ADAP1: variants seen among roughly 807,000 people sequenced by gnomAD.
ADAP1 encodes the protein arf-GAP with dual PH domain-containing protein 1.
ADAP1 carries 31 observed loss-of-function variants against 54.9 expected under a neutral mutation model. The observed-to-expected ratio is 0.56, with a 90% CI of 0.42 to 0.76. The LOEUF is 0.76. Among genes scored for constraint, ADAP1 ranks in the 30% least tolerant of loss-of-function variants. The pLI is 0.00. For missense variants in ADAP1, 535 were observed against 512.4 expected (o/e 1.04, Z -0.42); for synonymous variants, 313 against 202.6 (o/e 1.55, Z -4.63).
chr7:933,621 C>T (rs1193757663), intron 2 of ADAP1, among the ~76,000 whole-genome samples: 1 of 44,850 alleles, frequency 2.2e-5, no homozygotes, highest in South Asian at 1.1e-3. Flanking sequence ...AGCCGGGGAC[C>T]GGGGTCAGTG....
At chr7:900,050 C>G (rs1011381581) in intron 8 of ADAP1, 52 bp downstream of exon 8, 1 of 1,604,112 alleles carries the variant, frequency 6.2e-7, no homozygotes, top group African/African-American at 1.3e-5. Context: ...CAGTCCGAGA[C>G]CCACCATGGC....
At chr7:932,656 G>C (rs1258877401) in intron 2 of ADAP1, among the ~76,000 whole-genome samples, 1 of 152,168 alleles carries the variant, frequency 6.6e-6, no homozygotes, top group Non-Finnish European at 1.5e-5. Context: ...CCACAGCCTG[G>C]CGAAGGGATG....
rs757928696 is a variant in ADAP1, at chr7:945,545, GC to G, written c.82+8850del. On this transcript the variant is annotated intron_variant, in intron 1 of 10. Transcript: ENST00000265846. This position sits in a 1 kb window ranked among gnomAD's most constrained non-coding sequence, Gnocchi z 4.2. ...GCCCCCAGAACAGGCCACAAGGCCAGCAGGTACACACTGGGCCCAAGGGTGG... is the reference window on the plus strand; with the variant it reads ...GCCCCCAGAACAGGCCACAAGGCCAGAGGTACACACTGGGCCCAAGGGTGG... 2.6e-5 allele frequency among the ~76,000 whole-genome samples: 4 copies of G among 152,258 alleles called. No individual in the cohort carries two copies. Among genetic ancestry groups the G allele is most frequent in the Non-Finnish European group, 5.9e-5 (4 of 68,030 alleles).
rs1186803409 is a variant in ADAP1, at chr7:942,859, G to T, written c.83-7354C>A. Reference sequence around the variant, plus strand: ...GAGAGAGGAGGACGAAGGGAGAGAGGAGGAGGAAGGGAGGAGGAGGAAGAG... The same window carrying T: ...GAGAGAGGAGGACGAAGGGAGAGAGTAGGAGGAAGGGAGGAGGAGGAAGAG... On this transcript the variant is annotated intron_variant, in intron 1 of 10. Transcript: ENST00000265846. 9.9e-4 allele frequency among the ~76,000 whole-genome samples: 12 copies of T among 12,126 alleles called. 1 individual carries two copies. Among genetic ancestry groups the T allele is most frequent in the Non-Finnish European group, 6.9e-4 (4 of 5,826 alleles). 8.0% of individuals were successfully genotyped at this position (12,126 alleles called of 152,430 possible).
intron 1 of ADAP1, among the ~76,000 whole-genome samples, chr7:941,213 G>A (rs1846931035): frequency 6.6e-6 from 1 of 152,168 alleles, no homozygotes; most frequent in South Asian, 2.1e-4. Flanking sequence ...ATATTCAAGG[G>A]AGAATGACTG....
chr7:921,855 G>A (rs895595919), intron 3 of ADAP1, among the ~76,000 whole-genome samples: 3 of 152,198 alleles, frequency 2.0e-5, no homozygotes, highest in African/African-American at 4.8e-5. Flanking sequence ...TGCCAGGGAC[G>A]GCTTTGACAA....
chr7:909,294 T>A (rs4257930), intron 4 of ADAP1, among the ~76,000 whole-genome samples: 447 of 25,168 alleles, frequency 0.018, no homozygotes, highest in East Asian at 0.053. Context: ...GGAACCCCGG[T>A]CCTCCCGACA....
chr7:936,852 C>T (rs541484529), intron 1 of ADAP1, among the ~76,000 whole-genome samples: 1 of 152,318 alleles, frequency 6.6e-6, no homozygotes, highest in South Asian at 2.1e-4. Flanking sequence ...AGGACCCCAC[C>T]CTTCAGGCCT....
At chr7:903,918 C>A (rs1277136706) in intron 6 of ADAP1, 2 of 591,334 alleles carry the variant, frequency 3.4e-6, no homozygotes, top group Non-Finnish European at 5.6e-6. Context: ...CACCTGTCTT[C>A]CCATGCTGCC....
intron 1 of ADAP1, among the ~76,000 whole-genome samples, chr7:948,489 G>A (rs1847196598): frequency 6.6e-6 from 1 of 152,086 alleles, no homozygotes; most frequent in African/African-American, 2.4e-5. Context: ...TCCCACTGCA[G>A]GTCTCTGCCC....
chr7:931,976 AG>A (rs972810743), intron 2 of ADAP1, among the ~76,000 whole-genome samples: 1 of 151,348 alleles, frequency 6.6e-6, no homozygotes, highest in Non-Finnish European at 1.5e-5. Context: ...GCAGGGAGCC[AG>A]GGGGGGCCCA....
rs1030630392 is a variant in ADAP1 at position 898,786 on chromosome 7, C to G, written c.*135G>C. ...CATCCTGGAAGCTGAAGCTCGGGCC[C>G]TACCTGGCCGCGCCGGGCTGCCCTG... is the stretch of plus-strand genomic sequence containing the variant. On this transcript the variant is annotated 3_prime_UTR_variant, in exon 11 of 11. Transcript: ENST00000265846. 15 of 1,248,564 alleles carry G rather than the reference C, an allele frequency of 1.2e-5. No homozygotes were observed. The African/African-American group carries it at 1.3e-4, about 11-fold the overall frequency. 77.3% of individuals were successfully genotyped at this position (1,248,564 alleles called of 1,614,324 possible). A position where few individuals can be genotyped will look rare whatever the true frequency, so the allele number is the denominator to read the frequency against.
intron 1 of ADAP1, among the ~76,000 whole-genome samples, chr7:943,769 A>G (rs1419874421): frequency 2.0e-5 from 1 of 49,070 alleles, no homozygotes; most frequent in Non-Finnish European, 3.7e-5. Context: ...AGGAGGACGA[A>G]GGGAGAGAGG....
rs981447063 is a variant in ADAP1 at position 920,733 on chromosome 7, C to T, written c.306-683G>A. ...CCCCACGGCACCCACTGAGCCCAGA[C>T]ATCCCTGCCCAGAGCCACCCACCAC... On this transcript the variant is annotated intron_variant, in intron 3 of 10. Coordinates refer to ENST00000265846, the MANE Select transcript of ADAP1 (RefSeq NM_006869.4). This position sits in a 1 kb window ranked among gnomAD's most constrained non-coding sequence, Gnocchi z 4.5. 1.3e-6 allele frequency: 2 copies of T among 1,492,140 alleles called. No individual in the cohort carries two copies. The highest frequency in any genetic ancestry group is 2.8e-5 in the African/African-American group (2 of 71,732). The allele number at this position is 1,492,140 out of a possible 1,614,324, so 92.4% of individuals were successfully genotyped here.
chr7:954,287 C>T, intron 1 of ADAP1, 109 bp downstream of exon 1: 1 of 949,382 alleles, frequency 1.1e-6, no homozygotes, highest in Non-Finnish European at 1.3e-6. Context: ...GCCACCCCCG[C>T]GGCGTCCGCG....
rs1314090683 is a variant in ADAP1, at chr7:946,463, G to A, written c.82+7933C>T. 6.6e-6 allele frequency among the ~76,000 whole-genome samples: 1 copy of A among 152,190 alleles called. No homozygotes were observed. Among genetic ancestry groups the A allele is most frequent in the Non-Finnish European group, 1.5e-5 (1 of 68,032 alleles). ...GATCCGCTGGCCCCTACCCGGTTCA[G>A]GGACACGTGCCCCTCTCCTGGATCC... On this transcript the variant is annotated intron_variant, in intron 1 of 10. Transcript: ENST00000265846. This position sits in a 1 kb window ranked among gnomAD's most constrained non-coding sequence, Gnocchi z 4.3.
rs548771137 is a variant in ADAP1 at position 932,025 on chromosome 7, C to T, written c.213+3350G>A. 1.2e-4 allele frequency among the ~76,000 whole-genome samples: 19 copies of T among 152,354 alleles called. No individual in the cohort carries two copies. The East Asian group carries it at 2.9e-3, about 23-fold the overall frequency. On this transcript the variant is annotated intron_variant, in intron 2 of 10. Coordinates refer to ENST00000265846, the MANE Select transcript of ADAP1 (RefSeq NM_006869.4). Reference sequence around the variant, plus strand: ...CCCCACAGAGTCCCCAGCAAGAAGCCGGGCTGAGACCCAGCCCTGCCTGGG... The same window carrying T: ...CCCCACAGAGTCCCCAGCAAGAAGCTGGGCTGAGACCCAGCCCTGCCTGGG...
Position 926,197 on chromosome 7 carries a change from G to GGCCCCGAAACAACAGCC in ADAP1, c.305+339_305+355dup, listed in dbSNP as rs1234417299. ...GCTCCCGCCCTGAGGAGCCAGGGCA[G>GGCCCCGAAACAACAGCC]GCCCCGAAACAACAGCCGCCCCTCC... is the stretch of plus-strand genomic sequence containing the variant. On this transcript the variant is annotated intron_variant, in intron 3 of 10. Transcript: ENST00000265846. This position sits in a 1 kb window ranked among gnomAD's most constrained non-coding sequence, Gnocchi z 4.6. 2.4e-5 allele frequency among the ~76,000 whole-genome samples: 3 copies of GGCCCCGAAACAACAGCC among 126,626 alleles called. No homozygotes were observed. The highest frequency in any genetic ancestry group is 3.5e-5 in the Non-Finnish European group (2 of 57,480). 83.1% of individuals were successfully genotyped at this position (126,626 alleles called of 152,430 possible).
chr7:941,324 T>C (rs1023305166), intron 1 of ADAP1, among the ~76,000 whole-genome samples: 2 of 152,068 alleles, frequency 1.3e-5, no homozygotes, highest in Non-Finnish European at 2.9e-5. Context: ...TAAGGCAATA[T>C]AAAGAAATAA....
Sources: allele counts gnomAD v4.1 joint callset (sites outside exome capture counted in the v4.1 genomes callset), GRCh38; gene constraint gnomAD v4.1.1; non-coding constraint Gnocchi (gnomAD v3.1); transcripts MANE v1.5; gene names NCBI Gene and HGNC (gene_info 2026-07-23, HGNC 2026-07-21).